The following USP35 variants were observed in gnomAD, a reference collection of about 807,000 sequenced individuals.
USP35 encodes the protein ubiquitin specific peptidase 35, also known as ubiquitin carboxyl-terminal hydrolase 35.
A neutral mutation model predicts 83.8 loss-of-function variants in USP35; 69 were observed. The observed-to-expected ratio is 0.82, with a 90% CI of 0.68 to 1.01. The LOEUF (loss-of-function observed/expected upper bound fraction) is 1.01. Among genes scored for constraint, USP35 ranks in the 50% least tolerant of loss-of-function variants. The pLI is 0.00. For synonymous variants in USP35, 714 were observed against 589.5 expected (o/e 1.21, Z -3.06); for missense variants, 1,503 against 1,362.5 (o/e 1.10, Z -1.62).
At chr11:78,222,243 T>C in the USP35 span, 1 of 1,130,714 alleles carries the variant, frequency 8.8e-7, no homozygotes, top group Non-Finnish European at 1.4e-6. Context: ...ATGATAATGC[T>C]ACACATACAC....
At chr11:78,229,887 A>G in the USP35 span, among the ~76,000 whole-genome samples, 155 of 152,260 alleles carry the variant, frequency 1.0e-3, no homozygotes, top group Non-Finnish European at 1.9e-3. Context: ...TTATCCTTCA[A>G]ACTCATCTCA....
chr11:78,219,425 C>T (rs2134449570), downstream of USP35: 1 of 1,613,408 alleles, frequency 6.2e-7, no homozygotes, highest in East Asian at 2.2e-5. Flanking sequence ...GCTGAGGGGA[C>T]AGAGTGGGAA....
intron 8 of USP35, among the ~76,000 whole-genome samples, chr11:78,208,210 G>T (rs1863596403): frequency 6.6e-6 from 1 of 152,162 alleles, no homozygotes; most frequent in Non-Finnish European, 1.5e-5. Context: ...ATCCTCTCTT[G>T]AAGGTCCCAT....
At position 78,214,949 on chromosome 11, in the gene USP35, C is replaced by T. The variant is rs1408120955; in HGVS notation, c.*1136C>T. ...GAGAGGATGCACCTGGGAGGCAGCT[C>T]TCAAGCCTTTACCTACCTCCTTCCC... On this transcript the variant is annotated 3_prime_UTR_variant, in exon 11 of 11. Coordinates refer to ENST00000529308, the MANE Select transcript of USP35 (RefSeq NM_020798.4). Among the ~76,000 whole-genome samples, 1 of 152,120 alleles carries T rather than the reference C, an allele frequency of 6.6e-6. No individual in the cohort carries two copies.
chr11:78,213,615 A>AGTCT (rs1042140721), intron 10 of USP35, 31 bp from the exon 11 acceptor site: 1 of 967,648 alleles, frequency 1.0e-6, no homozygotes, highest in African/African-American at 2.1e-5. Context: ...GTGAATTCTA[A>AGTCT]GTCTAAGTCT....
At chr11:78,231,453 G>A in the USP35 span, among the ~76,000 whole-genome samples, 1 of 152,044 alleles carries the variant, frequency 6.6e-6, no homozygotes, top group Admixed American at 6.6e-5. Context: ...GGTTCAAAGC[G>A]ATTCTCCTGC....
downstream of USP35, chr11:78,215,774 C>CT (rs1279092122): frequency 2.0e-5 from 3 of 152,648 alleles, no homozygotes; most frequent in Admixed American, 2.0e-4. Flanking sequence ...AGACGACCCC[C>CT]CACGGAAGGG....
At chr11:78,209,312 G>A in intron 9 of USP35, 136 bp from the exon 10 acceptor site, 1 of 912,888 alleles carries the variant, frequency 1.1e-6, no homozygotes, top group Non-Finnish European at 1.6e-6. Context: ...GGATGTGTGG[G>A]TGTTTGGTGT....
chr11:78,210,754 G>GC lies in USP35; in HGVS notation c.2889+12dup. 1 of 1,523,358 alleles carries GC rather than the reference G, an allele frequency of 6.6e-7. No homozygotes were observed. Among genetic ancestry groups the GC allele is most frequent in the Non-Finnish European group, 8.8e-7 (1 of 1,137,398 alleles). The allele number at this position is 1,523,358 out of a possible 1,614,324, so 94.4% of individuals were successfully genotyped here. On this transcript the variant is annotated intron_variant, in intron 10 of 10. Transcript: ENST00000529308. ...CATCCTTTACCTACAGGTGAGCTGA[G>GC]CCGTGGGGCCTTTGATCTGATCTCT...
chr11:78,208,077 A>G (rs1316359293), intron 8 of USP35, among the ~76,000 whole-genome samples: 1 of 152,172 alleles, frequency 6.6e-6, no homozygotes, highest in Non-Finnish European at 1.5e-5. Context: ...GAGAAGGGAA[A>G]GCGGGATGAA....
Position 78,196,372 on chromosome 11 carries a change from G to C in USP35, c.127G>C (p.Ala43Pro). The stretch of plus-strand genomic sequence containing the variant: ...GCGTGAGCAGTGCCTGGCGCTGCTG[G>C]CGCTGGGCGCGCGCCTCTACGTGGG... ...LEREQCLALL[A>P]LGARLYVGGA... The change falls in exon 2 of 11, where the codon GCG (alanine) becomes CCG (proline). Residue 43 changes from alanine (A) to proline (P), a missense_variant. Coordinates refer to ENST00000529308, the MANE Select transcript of USP35 (RefSeq NM_020798.4). The surrounding 1 kb of genome is among the most constrained non-coding windows in gnomAD (Gnocchi z 4.8). The C allele has an allele frequency of 6.6e-7, 1 of 1,509,038 alleles. No individual in the cohort carries two copies. The highest frequency in any genetic ancestry group is 8.8e-7 in the Non-Finnish European group (1 of 1,142,064). 93.5% of individuals were successfully genotyped at this position (1,509,038 alleles called of 1,614,324 possible).
At chr11:78,223,961 A>G in the USP35 span, among the ~76,000 whole-genome samples, 13 of 152,314 alleles carry the variant, frequency 8.5e-5, no homozygotes, top group South Asian at 2.7e-3. Context: ...ATATGCTTGT[A>G]GTCCCAGCTA....
chr11:78,222,041 C>T, the USP35 span: 1 of 1,040,898 alleles, frequency 9.6e-7, no homozygotes, highest in Non-Finnish European at 1.5e-6. Context: ...AGGCCAGCTA[C>T]CACATCACTC....
At chr11:78,219,168 G>T, downstream of USP35, 1 of 1,091,498 alleles carries the variant, frequency 9.2e-7, no homozygotes, top group Non-Finnish European at 1.4e-6. Flanking sequence ...GACTGGCAGA[G>T]TAGAGAGGAG....
At chr11:78,201,784 T>G (rs1184320577) in intron 6 of USP35, among the ~76,000 whole-genome samples, 1 of 152,204 alleles carries the variant, frequency 6.6e-6, no homozygotes, top group African/African-American at 2.4e-5. Flanking sequence ...GTTTGGTGAC[T>G]TGTGCAAAGT....
Position 78,206,018 on chromosome 11 carries a change from C to A in USP35, c.1374C>A (p.Ala458=). The change falls in exon 7 of 11, where the codon GCC becomes GCA. Residue 458 remains alanine (A), a synonymous_variant. Transcript: ENST00000529308. ...NTCYVNSILQ[A]LFMASDFRHC... is the part of the protein sequence containing the mutation. ...GCTATGTCAACAGCATCCTTCAGGCCTTATTCATGGCGTCTGAGTAGGTGC... is the reference window on the plus strand; with the variant it reads ...GCTATGTCAACAGCATCCTTCAGGCATTATTCATGGCGTCTGAGTAGGTGC... 6.2e-7 allele frequency: 1 copy of A among 1,613,394 alleles called. No homozygotes were observed. Among genetic ancestry groups the A allele is most frequent in the East Asian group, 2.2e-5 (1 of 44,858 alleles).
chr11:78,199,544 C>A (rs746178659), intron 3 of USP35, 51 bp from the exon 4 acceptor site: 1 of 1,612,314 alleles, frequency 6.2e-7, no homozygotes, highest in Admixed American at 1.7e-5. Context: ...GCCCTCACCC[C>A]AGCATTTTGG....
At position 78,209,658 on chromosome 11, in the gene USP35, T is replaced by A. The variant is rs776996448; in HGVS notation, c.1803T>A (p.Pro601=). The A allele has an allele frequency of 1.9e-6, 3 of 1,613,838 alleles. No homozygotes were observed. The Admixed American group carries it at 5.0e-5, about 27-fold the overall frequency. ...TCACGGACCTCTCTCTCGCCTTCCC[T>A]CCTCCTGAGCGCTGTCGCCGCCGCC... The part of the protein sequence containing the change: ...EAFTDLSLAF[P]PPERCRRRRL... Residue 601 remains proline (P), a synonymous_variant, in exon 10 of 11, where the codon CCT becomes CCA. Transcript: ENST00000529308.
At chr11:78,237,125 T>C in the USP35 span, among the ~76,000 whole-genome samples, 1 of 152,236 alleles carries the variant, frequency 6.6e-6, no homozygotes, top group South Asian at 2.1e-4. Flanking sequence ...ATTGGTGTTA[T>C]CTTTGAATGC....
Sources: gnomAD v4.1 joint callset for allele counts (sites outside exome capture counted in the v4.1 genomes callset) on GRCh38, gnomAD v4.1.1 for gene constraint, Gnocchi (gnomAD v3.1) non-coding constraint, MANE v1.5 for transcripts, NCBI Gene and HGNC (gene_info 2026-07-23, HGNC 2026-07-21) for gene names.